TESK2: variants seen among roughly 807,000 people sequenced by gnomAD.
TESK2 encodes dual specificity testis-specific protein kinase 2.
In TESK2, 39 loss-of-function variants were observed where a neutral mutation model predicts 57.1. The observed-to-expected ratio is 0.68, with a 90% CI of 0.53 to 0.89. The LOEUF (loss-of-function observed/expected upper bound fraction) is 0.89. TESK2 is among the 40% of genes least tolerant of loss of function. TESK2 has a pLI of 0.00. For missense variants in TESK2, 646 were observed against 732.1 expected, an observed-to-expected ratio of 0.88 and a Z score of 1.36; for synonymous variants, 249 against 267.9, an observed-to-expected ratio of 0.93 and a Z score of 0.69.
chr1:45,480,296 T>C (rs1653164783), intron 1 of TESK2, among the ~76,000 whole-genome samples: 1 of 151,094 alleles, frequency 6.6e-6, no homozygotes, highest in African/African-American at 2.4e-5. Flanking sequence ...CCATCTCTAT[T>C]AAAATATAAA....
chr1:45,389,597 A>C (rs1338764893), intron 3 of TESK2, among the ~76,000 whole-genome samples: 1 of 152,216 alleles, frequency 6.6e-6, no homozygotes, highest in Non-Finnish European at 1.5e-5. Context: ...CCTTTTCTTT[A>C]TAAATTACCC....
At chr1:45,443,687 CT>C (rs1651539118) in intron 2 of TESK2, among the ~76,000 whole-genome samples, 1 of 151,220 alleles carries the variant, frequency 6.6e-6, no homozygotes, top group Non-Finnish European at 1.5e-5. Flanking sequence ...ACTAAAAGTC[CT>C]TAAGTTACCT....
chr1:45,353,180 G>A (rs886564312), intron 5 of TESK2, among the ~76,000 whole-genome samples: 1 of 152,142 alleles, frequency 6.6e-6, no homozygotes, highest in Non-Finnish European at 1.5e-5. Context: ...TTACAGGTGT[G>A]AGCCACCATG....
Position 45,345,229 on chromosome 1 carries a change from A to G in TESK2, c.1327T>C (p.Trp443Arg), listed in dbSNP as rs1557535563. 6.2e-7 allele frequency: 1 copy of G among 1,614,222 alleles called. No individual in the cohort carries two copies. The highest frequency in any genetic ancestry group is 2.2e-5 in the East Asian group (1 of 44,886). The stretch of plus-strand genomic sequence containing the variant: ...ATAGGTGGGGCCAGGGGCTCCTGCC[A>G]GTCAGCCAGGGGCATAGTTCCGGGC... ...PGPGTMPLAD[W>R]QEPLAPPIRR... Residue 443 changes from tryptophan (W) to arginine (R), a missense_variant, in exon 11 of 11, where the codon TGG becomes CGG. Transcript: ENST00000372086.
intron 3 of TESK2, among the ~76,000 whole-genome samples, chr1:45,420,670 C>T (rs1414961104): frequency 2.0e-5 from 3 of 151,318 alleles, no homozygotes; most frequent in African/African-American, 4.9e-5. Flanking sequence ...GGGGAACCTC[C>T]ACTTCCCGGG....
chr1:45,393,042 G>A (rs1649212286), intron 3 of TESK2, among the ~76,000 whole-genome samples: 1 of 152,180 alleles, frequency 6.6e-6, no homozygotes, highest in African/African-American at 2.4e-5. Context: ...AGAGGTATTT[G>A]ATTTTCTTTA....
chr1:45,473,825 C>A (rs1570766597), intron 1 of TESK2, among the ~76,000 whole-genome samples: 2 of 146,076 alleles, frequency 1.4e-5, no homozygotes, highest in South Asian at 2.1e-4. Context: ...AAGATAAGGT[C>A]TTGCTCTGTC....
At position 45,476,073 on chromosome 1, in the gene TESK2, G is replaced by A. The variant is rs187851414; in HGVS notation, c.-87+14779C>T. Among the ~76,000 whole-genome samples, 335 of 152,294 alleles carry A rather than the reference G, an allele frequency of 2.2e-3. 1 individual carries two copies. The highest frequency in any genetic ancestry group is 4.1e-3 in the Non-Finnish European group (278 of 68,032). On this transcript the variant is annotated intron_variant, in intron 1 of 10. Transcript: ENST00000372086. ...TCGTGGGACTTTACCTTGTGATCAT[G>A]TGAGCCAATCTTCCTTAATAAACTC... is the stretch of plus-strand genomic sequence containing the variant.
intron 1 of TESK2, among the ~76,000 whole-genome samples, chr1:45,476,595 C>A (rs990421299): frequency 6.6e-6 from 1 of 150,392 alleles, no homozygotes; most frequent in Non-Finnish European, 1.5e-5. Flanking sequence ...CACCTGTAAT[C>A]CCAGGACTTT....
At chr1:45,485,381 G>A (rs1653422547) in intron 1 of TESK2, among the ~76,000 whole-genome samples, 1 of 151,886 alleles carries the variant, frequency 6.6e-6, no homozygotes, top group Non-Finnish European at 1.5e-5. Context: ...TAGAGACGGG[G>A]TTTCACCGTG....
intron 4 of TESK2, among the ~76,000 whole-genome samples, chr1:45,358,926 C>CA (rs1647561504): frequency 6.6e-6 from 1 of 152,180 alleles, no homozygotes; most frequent in South Asian, 2.1e-4. Context: ...AAGAGAGCCT[C>CA]ATGCAGCACA....
At chr1:45,437,950 T>G (rs1047995473) in intron 2 of TESK2, among the ~76,000 whole-genome samples, 3 of 152,170 alleles carry the variant, frequency 2.0e-5, no homozygotes, top group African/African-American at 4.8e-5. Flanking sequence ...CCAAGTAGTC[T>G]TTTTGGGAGC....
rs968018598 is a variant in TESK2 at position 45,446,358 on chromosome 1, G to A, written c.222+11206C>T. On this transcript the variant is annotated intron_variant, in intron 2 of 10. Transcript: ENST00000372086. ...CATCTGTAGGCCTAGCTACTCAGGA[G>A]GCTGAGGCAGGAGGATCCCTTGAGC... Among the ~76,000 whole-genome samples, 3 of 151,946 alleles carry A rather than the reference G, an allele frequency of 2.0e-5. No homozygotes were observed. In the South Asian group the frequency reaches 6.2e-4, roughly 32 times the overall value.
intron 1 of TESK2, among the ~76,000 whole-genome samples, chr1:45,464,038 A>C (rs1047788287): frequency 6.6e-6 from 1 of 152,104 alleles, no homozygotes; most frequent in Non-Finnish European, 1.5e-5. Flanking sequence ...TGGTTCTAAA[A>C]TTTGAGGATT....
chr1:45,435,308 T>G (rs1469924634), intron 2 of TESK2, among the ~76,000 whole-genome samples: 5 of 152,082 alleles, frequency 3.3e-5, no homozygotes, highest in Admixed American at 1.3e-4. Flanking sequence ...TTTGTATTGT[T>G]TGCAGAGACA....
chr1:45,477,787 T>C (rs1266775000), intron 1 of TESK2, among the ~76,000 whole-genome samples: 1 of 152,166 alleles, frequency 6.6e-6, no homozygotes, highest in Non-Finnish European at 1.5e-5. Context: ...CCACTATAAT[T>C]AGGCTAATCA....
At chr1:45,403,424 TTAGA>T (rs760638417) in intron 3 of TESK2, among the ~76,000 whole-genome samples, 20 of 152,216 alleles carry the variant, frequency 1.3e-4, no homozygotes, top group Admixed American at 9.8e-4. Context: ...GTGCTAGGTC[TTAGA>T]TAGGAGAATT....
At chr1:45,489,928 A>G (rs1653648430) in intron 1 of TESK2, among the ~76,000 whole-genome samples, 1 of 152,202 alleles carries the variant, frequency 6.6e-6, no homozygotes, top group Non-Finnish European at 1.5e-5. Flanking sequence ...ACCAGAGACT[A>G]TGTTCCCTAT....
chr1:45,390,243 G>A (rs1649079488), intron 3 of TESK2, among the ~76,000 whole-genome samples: 1 of 152,070 alleles, frequency 6.6e-6, no homozygotes, highest in Admixed American at 6.6e-5. Context: ...CCAGCCTGGA[G>A]AATACGGTGA....
Sources: allele counts gnomAD v4.1 joint callset (sites outside exome capture counted in the v4.1 genomes callset), GRCh38; gene constraint gnomAD v4.1.1; transcripts MANE v1.5; gene names NCBI Gene and HGNC (gene_info 2026-07-23, HGNC 2026-07-21).